The following SLC22A2 variants were observed in gnomAD, a reference collection of about 807,000 sequenced individuals.
SLC22A2 encodes the protein organic cation transporter 2.
A neutral mutation model predicts 60.5 loss-of-function variants in SLC22A2; 46 were observed. That is an observed-to-expected ratio of 0.76 (90% CI 0.60 to 0.97). SLC22A2 has a LOEUF of 0.97. Ranked by LOEUF, SLC22A2 falls within the 50% of genes least tolerant of loss-of-function variation. The pLI is 0.00. For synonymous variants in SLC22A2, 303 were observed against 267.0 expected (o/e 1.13, Z -1.31); for missense variants, 701 against 706.6 (o/e 0.99, Z 0.09).
Position 160,225,798 on chromosome 6 carries a change from C to T in SLC22A2, c.1502-994G>A, listed in dbSNP as rs549237710. 1.8e-4 allele frequency among the ~76,000 whole-genome samples: 28 copies of T among 152,306 alleles called. No homozygotes were observed. In the South Asian group the frequency reaches 5.6e-3, roughly 30 times the overall value. On this transcript the variant is annotated intron_variant, in intron 9 of 10. Coordinates refer to ENST00000366953, the MANE Select transcript of SLC22A2 (RefSeq NM_003058.4). ...CTACTCTTGTGCCAATTAAAACCAC[C>T]TTTGCAAAATTATGACTGAGACAGT...
intron 2 of SLC22A2, among the ~76,000 whole-genome samples, chr6:160,252,738 TG>T (rs1379544776): frequency 6.6e-6 from 1 of 152,214 alleles, no homozygotes; most frequent in Admixed American, 6.5e-5. Context: ...CCAGATCTGC[TG>T]GATCAGAATC....
In SLC22A2 at chr6:160,250,524, A is replaced by G. The variant is rs200726869; in HGVS notation, c.673+24T>C. The G allele has an allele frequency of 1.6e-5, 26 of 1,613,574 alleles. No homozygotes were observed. The East Asian group carries it at 5.3e-4, about 33-fold the overall frequency. ...GGCAGCGAGGTTGCTTTGTTCTCAC[A>G]GTTGCAAGCACAAACATTCTTACTC... On this transcript the variant is annotated intron_variant, in intron 3 of 10. Transcript: ENST00000366953.
At chr6:160,223,813 T>C (rs773122384) in intron 10 of SLC22A2, among the ~76,000 whole-genome samples, 10 of 152,192 alleles carry the variant, frequency 6.6e-5, no homozygotes, top group Non-Finnish European at 1.5e-4. Flanking sequence ...CTGCAACCTC[T>C]GCCTCCCAGT....
intron 2 of SLC22A2, among the ~76,000 whole-genome samples, chr6:160,252,749 CT>C (rs763301712): frequency 6.6e-6 from 1 of 152,190 alleles, no homozygotes; most frequent in Non-Finnish European, 1.5e-5. Context: ...GGATCAGAAT[CT>C]GAATTTTAGC....
At chr6:160,230,167 C>T (rs1319679913) in intron 9 of SLC22A2, among the ~76,000 whole-genome samples, 8 of 151,780 alleles carry the variant, frequency 5.3e-5, no homozygotes, top group Non-Finnish European at 1.2e-4. Flanking sequence ...GGTCCCAATT[C>T]TTCCTCAGCC....
At chr6:160,235,196 A>G (rs1782891177) in intron 9 of SLC22A2, among the ~76,000 whole-genome samples, 1 of 152,066 alleles carries the variant, frequency 6.6e-6, no homozygotes, top group Non-Finnish European at 1.5e-5. Context: ...TCTATTTTTC[A>G]TTGCATTATC....
intron 9 of SLC22A2, among the ~76,000 whole-genome samples, chr6:160,238,356 C>CT (rs1782945220): frequency 6.6e-6 from 1 of 152,210 alleles, no homozygotes; most frequent in African/African-American, 2.4e-5. Context: ...CCAAGATTCA[C>CT]TTGGTTATTG....
At chr6:160,225,573 C>T (rs1407261960) in intron 9 of SLC22A2, among the ~76,000 whole-genome samples, 2 of 152,140 alleles carry the variant, frequency 1.3e-5, no homozygotes, top group Non-Finnish European at 2.9e-5. Context: ...CCAACTCTGG[C>T]CCCTTACATA....
intron 6 of SLC22A2, 106 bp downstream of exon 6, chr6:160,245,333 G>T: frequency 1.7e-6 from 1 of 594,820 alleles, no homozygotes; most frequent in Non-Finnish European, 2.9e-6. Context: ...GCTGCCCACC[G>T]TCAGCGCTAA....
chr6:160,235,386 G>T (rs1430452977), intron 9 of SLC22A2, among the ~76,000 whole-genome samples: 1 of 149,936 alleles, frequency 6.7e-6, no homozygotes, highest in African/African-American at 2.5e-5. Flanking sequence ...TTATGAAAAT[G>T]TCCCCATTCC....
rs8177515 is a variant in SLC22A2 at position 160,243,648 on chromosome 6, G to A, written c.1203C>T (p.Ile401=). The A allele has an allele frequency of 3.2e-3, 5,144 of 1,614,012 alleles. 13 individuals are homozygous for A. Among genetic ancestry groups the A allele is most frequent in the Middle Eastern group, 4.5e-3 (27 of 6,060 alleles). ...AFMIILTIDR[I]GRRYPWAASN... ...ATGCAGCCCAAGGGTAACGGCGTCC[G>A]ATGCGGTCGATGGTGAGGATGATCA... Residue 401 remains isoleucine (I), a synonymous_variant, in exon 7 of 11, where the codon ATC becomes ATT. Transcript: ENST00000366953.
rs138413744 is a variant in SLC22A2 at position 160,233,962 on chromosome 6, C to T, written c.1501+7512G>A. ...TGAGCCCAAGCTAAGCCATCATATC[C>T]CCTGTGACCTGCACGTATACATCCA... On this transcript the variant is annotated intron_variant, in intron 9 of 10. Coordinates refer to ENST00000366953, the MANE Select transcript of SLC22A2 (RefSeq NM_003058.4). Among the ~76,000 whole-genome samples, 250 of 152,162 alleles carry T rather than the reference C, an allele frequency of 1.6e-3. 1 individual carries two copies. The highest frequency in any genetic ancestry group is 5.7e-3 in the African/African-American group (236 of 41,468).
Position 160,232,126 on chromosome 6 carries a change from T to C in SLC22A2, c.1502-7322A>G, listed in dbSNP as rs1222060925. On this transcript the variant is annotated intron_variant, in intron 9 of 10. Transcript: ENST00000366953. ...CTCCTTCAGCTATACTCACTCTTAG[T>C]TGAGTCTCCCACAATTACCATTGTT... Among the ~76,000 whole-genome samples, 4 of 151,908 alleles carry C rather than the reference T, an allele frequency of 2.6e-5. No homozygotes were observed. The East Asian group carries it at 7.7e-4, about 29-fold the overall frequency.
chr6:160,224,866 G>C (rs1782698984), intron 9 of SLC22A2, 62 bp from the exon 10 acceptor site: 3 of 969,270 alleles, frequency 3.1e-6, no homozygotes, highest in Non-Finnish European at 4.4e-6. Context: ...TATAATTAGA[G>C]TTTCCCTTAT....
In SLC22A2 at chr6:160,219,631, TTAA is replaced by T. The variant is rs1217531307; in HGVS notation, c.1602-2136_1602-2134del. 4.6e-5 allele frequency among the ~76,000 whole-genome samples: 7 copies of T among 151,334 alleles called. No homozygotes were observed. In the East Asian group the frequency reaches 1.2e-3, roughly 25 times the overall value. ...TTTTTTTTTCCAGTTGTCAGTGGGG[TTAA>T]TAATAATAACGCCTATTTCATAGGG... On this transcript the variant is annotated intron_variant, in intron 10 of 10. Coordinates refer to ENST00000366953, the MANE Select transcript of SLC22A2 (RefSeq NM_003058.4).
In SLC22A2 at chr6:160,256,900, C is replaced by CT. The variant is rs1491069071; in HGVS notation, c.415-184dup. On this transcript the variant is annotated intron_variant, in intron 1 of 10. Transcript: ENST00000366953. ...AATTTTCTTCTTCTTCTCTCTCTCTCTCTTTTTTTTTTTTTTTTGTGAGAC... is the reference window on the plus strand; with the variant it reads ...AATTTTCTTCTTCTTCTCTCTCTCTCTTCTTTTTTTTTTTTTTTTGTGAGAC... Among the ~76,000 whole-genome samples, 275 of 59,168 alleles carry CT rather than the reference C, an allele frequency of 4.6e-3. 2 individuals carry two copies. Among genetic ancestry groups the CT allele is most frequent in the African/African-American group, 7.8e-3 (159 of 20,312 alleles). 38.8% of individuals were successfully genotyped at this position (59,168 alleles called of 152,430 possible).
rs754257056 is a variant in SLC22A2, at chr6:160,224,739, G to A, written c.1567C>T (p.Pro523Ser). The change falls in exon 10 of 11, where the codon CCT becomes TCT. Residue 523 changes from proline to serine, a missense_variant. Coordinates refer to ENST00000366953, the MANE Select transcript of SLC22A2 (RefSeq NM_003058.4). ...TTTTCGGCTTCCTCGATGGTCTCAG[G>A]CAAAGCTTTCCCTTTAGTTTCTGGA... Reference protein sequence around the residue: ...LLPETKGKALPETIEEAENMQ... With the variant: ...LLPETKGKALSETIEEAENMQ... 42 of 1,606,710 alleles carry A rather than the reference G, an allele frequency of 2.6e-5. No individual in the cohort carries two copies. Among genetic ancestry groups the A allele is most frequent in the Non-Finnish European group, 3.6e-5 (42 of 1,175,902 alleles).
At chr6:160,246,940 C>T (rs948460783) in intron 5 of SLC22A2, among the ~76,000 whole-genome samples, 11 of 152,222 alleles carry the variant, frequency 7.2e-5, no homozygotes, top group African/African-American at 2.7e-4. Flanking sequence ...AAGCTCCTCA[C>T]GTGACCTTTA....
intron 1 of SLC22A2, among the ~76,000 whole-genome samples, chr6:160,257,425 CACTGTGTGG>C (rs1783292023): frequency 6.6e-6 from 1 of 152,104 alleles, no homozygotes; most frequent in East Asian, 1.9e-4. Context: ...CTAAGTTATT[CACTGTGTGG>C]CCTGGGGAAA....
Sources: allele counts gnomAD v4.1 joint callset (sites outside exome capture counted in the v4.1 genomes callset), GRCh38; gene constraint gnomAD v4.1.1; transcripts MANE v1.5; gene names NCBI Gene and HGNC (gene_info 2026-07-23, HGNC 2026-07-21).